GNE: variants seen among roughly 807,000 people sequenced by gnomAD.
GNE encodes bifunctional UDP-N-acetylglucosamine 2-epimerase/N-acetylmannosamine kinase.
GNE carries 41 observed loss-of-function variants against 61.8 expected under a neutral mutation model. That is an observed-to-expected ratio of 0.66 (90% CI 0.52 to 0.86). GNE has a LOEUF of 0.86. Ranked by LOEUF, GNE falls within the 40% of genes least tolerant of loss-of-function variation. The probability of loss-of-function intolerance (pLI) is 0.00; values close to 1 mark genes in which losing one functional copy is unlikely to be tolerated. For missense variants in GNE, 608 were observed against 909.1 expected (o/e 0.67, Z 4.26); for synonymous variants, 264 against 326.4 (o/e 0.81, Z 2.06).
chr9:36,258,571 C>G, upstream of GNE: 1 of 929,600 alleles, frequency 1.1e-6, no homozygotes, highest in Non-Finnish European at 1.3e-6. Context: ...GCTCCCGTCC[C>G]CGTCCCCCAC....
chr9:36,224,524 A>G (rs1828766000), intron 7 of GNE, among the ~76,000 whole-genome samples: 1 of 151,968 alleles, frequency 6.6e-6, no homozygotes. Flanking sequence ...TGGATACTCT[A>G]TTTCCTTAGG....
At chr9:36,232,095 C>G (rs1829181180) in intron 5 of GNE, among the ~76,000 whole-genome samples, 1 of 152,122 alleles carries the variant, frequency 6.6e-6, no homozygotes, top group Non-Finnish European at 1.5e-5. Context: ...TAATTGCCAC[C>G]TTTCTGTTAT....
At chr9:36,254,540 T>A (rs1183100878) in intron 1 of GNE, among the ~76,000 whole-genome samples, 1 of 151,828 alleles carries the variant, frequency 6.6e-6, no homozygotes, top group Non-Finnish European at 1.5e-5. Context: ...TTTAAAAAAA[T>A]TAAAATTTAA....
rs762803815 is a variant in GNE, at chr9:36,229,083, A to G, written c.1008T>C (p.Asp336=). The G allele has an allele frequency of 1.5e-5, 24 of 1,609,320 alleles. No individual in the cohort carries two copies. Among genetic ancestry groups the G allele is most frequent in the Non-Finnish European group, 1.5e-5 (18 of 1,175,736 alleles). ...GCAATATTTTGTCTTGGGTGTCAGCATCCCGGACATGAAGAACATTCTCCC... is the reference window on the plus strand; with the variant it reads ...GCAATATTTTGTCTTGGGTGTCAGCGTCCCGGACATGAAGAACATTCTCCC... The part of the protein sequence containing the change: ...ETGENVLHVR[D]ADTQDKILQA... Residue 336 remains aspartate, a synonymous_variant, in exon 6 of 12, where the codon GAT becomes GAC. Transcript: ENST00000642385.
At chr9:36,229,727 A>T (rs936783174) in intron 5 of GNE, among the ~76,000 whole-genome samples, 2 of 152,146 alleles carry the variant, frequency 1.3e-5, no homozygotes, top group African/African-American at 4.8e-5. Context: ...TCACTCATGG[A>T]TAGGTCCCTG....
At chr9:36,255,754 C>T (rs1351538897) in intron 1 of GNE, among the ~76,000 whole-genome samples, 1 of 152,178 alleles carries the variant, frequency 6.6e-6, no homozygotes, top group East Asian at 1.9e-4. Context: ...ATACTTGCAT[C>T]CATTTCACTC....
chr9:36,218,887 T>TTA lies in GNE; in HGVS notation c.1817-590_1817-589dup, dbSNP rs1828457615. Among the ~76,000 whole-genome samples the TTA allele has an allele frequency of 6.6e-6, 1 of 152,174 alleles. No individual in the cohort carries two copies. The highest frequency in any genetic ancestry group is 1.5e-5 in the Non-Finnish European group (1 of 68,022). ...GAATGAGATCATGGACATAAAGTAT[T>TTA]TAGTTAAGTGCTGGCCACAGTAAAT... On this transcript the variant is annotated intron_variant, in intron 10 of 11. Transcript: ENST00000642385. This position sits in a 1 kb window ranked among gnomAD's most constrained non-coding sequence, Gnocchi z 4.1.
At chr9:36,235,468 AT>A (rs1459562169) in intron 4 of GNE, among the ~76,000 whole-genome samples, 1 of 152,192 alleles carries the variant, frequency 6.6e-6, no homozygotes, top group Non-Finnish European at 1.5e-5. Flanking sequence ...TGACTTAGAT[AT>A]ACCTGGGACC....
chr9:36,255,119 G>A (rs917642483), intron 1 of GNE, among the ~76,000 whole-genome samples: 1 of 152,178 alleles, frequency 6.6e-6, no homozygotes, highest in African/African-American at 2.4e-5. Flanking sequence ...TAAGTACGAG[G>A]CATTTTAGTA....
intron 5 of GNE, among the ~76,000 whole-genome samples, chr9:36,230,660 CTTTT>C (rs879665160): frequency 1.4e-5 from 2 of 139,146 alleles, no homozygotes. Context: ...ATATCACTAT[CTTTT>C]TTTTTTTTTT....
In GNE at chr9:36,221,147, C is replaced by T. The variant is rs537180950; in HGVS notation, c.1634-1127G>A. Among the ~76,000 whole-genome samples, 4 of 152,212 alleles carry T rather than the reference C, an allele frequency of 2.6e-5. No homozygotes were observed. In the East Asian group the frequency reaches 7.7e-4, roughly 29 times the overall value. On this transcript the variant is annotated intron_variant, in intron 9 of 11. Coordinates refer to ENST00000642385, the MANE Select transcript of GNE (RefSeq NM_005476.7). ...ACCAGCCTGACCAACGTGGTGAAAC[C>T]TTGTCTCTACTAAAAATACAGAAAT...
chr9:36,264,096 A>G (rs1369227236), intron 1 of GNE, among the ~76,000 whole-genome samples: 1 of 151,990 alleles, frequency 6.6e-6, no homozygotes, highest in South Asian at 2.1e-4. Context: ...TTTAATCTAC[A>G]TGTATCCTTA....
At chr9:36,236,294 A>G (rs890562369) in intron 4 of GNE, among the ~76,000 whole-genome samples, 3 of 151,774 alleles carry the variant, frequency 2.0e-5, no homozygotes, top group African/African-American at 7.3e-5. Context: ...TCCACCTTCC[A>G]GGTTCAAGTG....
At chr9:36,265,102 C>T (rs184302278) in intron 1 of GNE, 4 of 300,350 alleles carry the variant, frequency 1.3e-5, no homozygotes, top group African/African-American at 6.5e-5. Flanking sequence ...CCTGATCCAG[C>T]GAGGCGCCCA....
intron 1 of GNE, chr9:36,265,592 T>C: frequency 5.0e-6 from 2 of 398,312 alleles, no homozygotes; most frequent in South Asian, 3.5e-5. Context: ...TCTCACCCCA[T>C]ACTGTATCTC....
At chr9:36,232,027 A>G (rs1324532618) in intron 5 of GNE, among the ~76,000 whole-genome samples, 3 of 152,270 alleles carry the variant, frequency 2.0e-5, no homozygotes, top group Admixed American at 2.0e-4. Flanking sequence ...TAAAGGAAAA[A>G]GAACTGGACT....
At chr9:36,266,204 T>C (rs960978473) in intron 1 of GNE, among the ~76,000 whole-genome samples, 1 of 152,132 alleles carries the variant, frequency 6.6e-6, no homozygotes, top group Non-Finnish European at 1.5e-5. Flanking sequence ...GTGTTGCGAT[T>C]ACAGGCATAA....
rs1427284390 is a variant in GNE at position 36,215,616 on chromosome 9, A to C, written c.*1749T>G. 1.3e-5 allele frequency: 2 copies of C among 152,226 alleles called. No homozygotes were observed. Among genetic ancestry groups the C allele is most frequent in the East Asian group, 3.8e-4 (2 of 5,206 alleles). 9.4% of individuals were successfully genotyped at this position (152,226 alleles called of 1,614,324 possible). A position where few individuals can be genotyped will look rare whatever the true frequency, so the allele number is the denominator to read the frequency against. ...ACACACCAAGTTCTATAAAATAAAA[A>C]TTAAAACACCTACCTCATATGTTGA... On this transcript the variant is annotated 3_prime_UTR_variant, in exon 12 of 12. Transcript: ENST00000642385.
At chr9:36,228,239 T>C (rs1192869434) in intron 6 of GNE, among the ~76,000 whole-genome samples, 1 of 151,892 alleles carries the variant, frequency 6.6e-6, no homozygotes, top group Non-Finnish European at 1.5e-5. Flanking sequence ...TTCAGCAACA[T>C]TGTAACTAAG....
Sources: gnomAD v4.1 joint callset for allele counts (sites outside exome capture counted in the v4.1 genomes callset) on GRCh38, gnomAD v4.1.1 for gene constraint, Gnocchi (gnomAD v3.1) non-coding constraint, MANE v1.5 for transcripts, NCBI Gene and HGNC (gene_info 2026-07-23, HGNC 2026-07-21) for gene names.